Variants in TTC29 observed in about 807,000 individuals in gnomAD.
TTC29 encodes tetratricopeptide repeat protein 29.
Under a neutral mutation model 58.1 loss-of-function variants are expected in TTC29, and 49 were observed. The ratio of observed to expected loss-of-function variants is 0.84; its 90% confidence interval spans 0.67 to 1.07. The LOEUF (loss-of-function observed/expected upper bound fraction) is 1.07, where lower values mean the gene tolerates loss of function less well. Among genes scored for constraint, TTC29 ranks in the 50% least tolerant of loss-of-function variants. TTC29 has a pLI of 0.00. For missense variants in TTC29, 582 were observed against 555.6 expected, an observed-to-expected ratio of 1.05 and a Z score of -0.48; for synonymous variants, 209 against 196.8, an observed-to-expected ratio of 1.06 and a Z score of -0.52.
At chr4:146,757,346 C>A (rs1278537661) in intron 11 of TTC29, among the ~76,000 whole-genome samples, 1 of 152,118 alleles carries the variant, frequency 6.6e-6, no homozygotes, top group Non-Finnish European at 1.5e-5. Flanking sequence ...TGGCTCCAGG[C>A]TGGTACTGGG....
Position 146,857,277 on chromosome 4 carries a change from AGT to A in TTC29, c.885+10219_885+10220del, listed in dbSNP as rs70958531. Among the ~76,000 whole-genome samples, 1,029 of 149,274 alleles carry A rather than the reference AGT, an allele frequency of 6.9e-3. 12 individuals are homozygous for A. Among genetic ancestry groups the A allele is most frequent in the African/African-American group, 0.023 (955 of 40,640 alleles). ...GGCGCTGTTTGTGTACTAGTGGAAG[AGT>A]GTGTGTGTGTGTGTGTGTGGAGGGT... On this transcript the variant is annotated intron_variant, in intron 8 of 12. Coordinates refer to ENST00000325106, the MANE Select transcript of TTC29 (RefSeq NM_031956.4).
intron 4 of TTC29, among the ~76,000 whole-genome samples, chr4:146,929,037 A>T (rs1735133263): frequency 6.6e-6 from 1 of 152,164 alleles, no homozygotes; most frequent in African/African-American, 2.4e-5. Context: ...TTGATCATCT[A>T]AGAGTTTTGG....
intron 11 of TTC29, among the ~76,000 whole-genome samples, chr4:146,791,481 G>A (rs1388452678): frequency 6.6e-6 from 1 of 152,144 alleles, no homozygotes; most frequent in African/African-American, 2.4e-5. Context: ...ACTGATAAAT[G>A]TTGTGTGTGT....
At chr4:146,866,379 G>T (rs527590024) in intron 8 of TTC29, among the ~76,000 whole-genome samples, 1 of 152,182 alleles carries the variant, frequency 6.6e-6, no homozygotes, top group East Asian at 1.9e-4. Context: ...CTATCATTGT[G>T]GACTCTCATG....
At chr4:146,814,144 A>T (rs1008176814) in intron 10 of TTC29, among the ~76,000 whole-genome samples, 4 of 152,204 alleles carry the variant, frequency 2.6e-5, no homozygotes, top group African/African-American at 9.6e-5. Context: ...TTTTTTCTAG[A>T]CACTAGAATA....
At chr4:146,815,462 T>C (rs1007513945) in intron 10 of TTC29, among the ~76,000 whole-genome samples, 1 of 152,124 alleles carries the variant, frequency 6.6e-6, no homozygotes, top group Non-Finnish European at 1.5e-5. Flanking sequence ...GTTAGAAATC[T>C]GGGTGGAGGT....
chr4:146,938,163 G>T (rs900137433), intron 3 of TTC29, among the ~76,000 whole-genome samples: 1 of 151,986 alleles, frequency 6.6e-6, no homozygotes, highest in Non-Finnish European at 1.5e-5. Context: ...ATTATTAAAG[G>T]TTCAAGGTGC....
intron 2 of TTC29, chr4:146,942,711 A>G: frequency 7.8e-7 from 1 of 1,289,760 alleles, no homozygotes; most frequent in Non-Finnish European, 1.1e-6. Flanking sequence ...GGGAGAGAAG[A>G]AAACAACTAA....
At chr4:146,799,365 G>C (rs1750050130) in intron 11 of TTC29, among the ~76,000 whole-genome samples, 1 of 152,104 alleles carries the variant, frequency 6.6e-6, no homozygotes, top group South Asian at 2.1e-4. Flanking sequence ...TCACTAGTGA[G>C]TGTGATTTTT....
In TTC29 at chr4:146,707,476, T is replaced by C. The variant is rs1237926723; in HGVS notation, c.1397+9A>G. 6.2e-7 allele frequency: 1 copy of C among 1,604,150 alleles called. No individual in the cohort carries two copies. The highest frequency in any genetic ancestry group is 1.3e-5 in the African/African-American group (1 of 74,626). On this transcript the variant is annotated intron_variant, in intron 12 of 12. Transcript: ENST00000325106. ...ACTTAATAGAAACTTTTTACTTGAT[T>C]TATCATACCTACTGAGTTCTTCCAA...
chr4:146,737,876 G>A (rs558976847), intron 11 of TTC29, among the ~76,000 whole-genome samples: 1 of 152,204 alleles, frequency 6.6e-6, no homozygotes, highest in East Asian at 1.9e-4. Flanking sequence ...TAAGACCAGG[G>A]CTGTGATGAC....
intron 4 of TTC29, among the ~76,000 whole-genome samples, chr4:146,912,452 A>T (rs1196563703): frequency 6.6e-6 from 1 of 152,018 alleles, no homozygotes; most frequent in Non-Finnish European, 1.5e-5. Context: ...AAATCTAGTA[A>T]CTCTACTCCC....
At chr4:146,867,980 G>A (rs1356407813) in intron 7 of TTC29, among the ~76,000 whole-genome samples, 1 of 152,060 alleles carries the variant, frequency 6.6e-6, no homozygotes, top group Non-Finnish European at 1.5e-5. Flanking sequence ...CATAGTTGCT[G>A]CTACATACAT....
chr4:146,762,182 A>G (rs1746957130), intron 11 of TTC29, among the ~76,000 whole-genome samples: 1 of 151,898 alleles, frequency 6.6e-6, no homozygotes, highest in Non-Finnish European at 1.5e-5. Context: ...GAGCTCCATC[A>G]TTTTCACAAA....
chr4:146,772,511 T>C (rs1198867141), intron 11 of TTC29, among the ~76,000 whole-genome samples: 1 of 152,148 alleles, frequency 6.6e-6, no homozygotes, highest in Non-Finnish European at 1.5e-5. Context: ...TTGCTTGTTT[T>C]TGTCAAAGAT....
chr4:146,873,295 G>A (rs1001987570), intron 7 of TTC29, among the ~76,000 whole-genome samples: 1 of 152,152 alleles, frequency 6.6e-6, no homozygotes, highest in Admixed American at 6.6e-5. Flanking sequence ...GCTCTGTAAA[G>A]TATTGTGTAA....
At chr4:146,854,758 T>A (rs138093068) in intron 8 of TTC29, among the ~76,000 whole-genome samples, 3 of 152,288 alleles carry the variant, frequency 2.0e-5, no homozygotes, top group Non-Finnish European at 4.4e-5. Context: ...TAATCTCACA[T>A]CCTTGCCAAA....
intron 11 of TTC29, among the ~76,000 whole-genome samples, chr4:146,787,578 G>A (rs1376080768): frequency 6.6e-6 from 1 of 152,212 alleles, no homozygotes; most frequent in African/African-American, 2.4e-5. Flanking sequence ...GTTAACAGAT[G>A]TGATCACTTT....
intron 8 of TTC29, among the ~76,000 whole-genome samples, chr4:146,864,481 T>C: frequency 6.6e-6 from 1 of 152,360 alleles, no homozygotes; most frequent in East Asian, 1.9e-4. Flanking sequence ...ATAAATTATC[T>C]CTTATTATCA....
Sources: allele counts gnomAD v4.1 joint callset (sites outside exome capture counted in the v4.1 genomes callset), GRCh38; gene constraint gnomAD v4.1.1; transcripts MANE v1.5; gene names NCBI Gene and HGNC (gene_info 2026-07-23, HGNC 2026-07-21).